The following TM9SF4 variants were observed in gnomAD, a reference collection of about 807,000 sequenced individuals.
TM9SF4 encodes dinucleotide oxidase disulfide thiol exchanger 3 superfamily member 4.
In TM9SF4, 26 loss-of-function variants were observed where a neutral mutation model predicts 90.4. That is an observed-to-expected ratio of 0.29 (90% CI 0.21 to 0.40). The LOEUF (loss-of-function observed/expected upper bound fraction) is 0.40. Among genes scored for constraint, TM9SF4 ranks in the 10% least tolerant of loss-of-function variants. TM9SF4 has a pLI of 1.00. For synonymous variants in TM9SF4, 293 were observed against 315.4 expected, an observed-to-expected ratio of 0.93 and a Z score of 0.75; for missense variants, 549 against 834.8, an observed-to-expected ratio of 0.66 and a Z score of 4.22.
intron 1 of TM9SF4, among the ~76,000 whole-genome samples, chr20:32,129,871 G>A (rs2046485534): frequency 6.6e-6 from 1 of 152,168 alleles, no homozygotes; most frequent in Non-Finnish European, 1.5e-5. Flanking sequence ...ATAGGCATGA[G>A]CTACTGCGCC....
At chr20:32,111,667 T>G (rs1315157498) in intron 1 of TM9SF4, among the ~76,000 whole-genome samples, 2 of 152,110 alleles carry the variant, frequency 1.3e-5, no homozygotes, top group African/African-American at 4.8e-5. Context: ...CACAACTACT[T>G]TGGATTGAGT....
intron 12 of TM9SF4, 90 bp downstream of exon 12, chr20:32,150,965 G>C: frequency 6.7e-7 from 1 of 1,498,140 alleles, no homozygotes; most frequent in Non-Finnish European, 9.1e-7. Flanking sequence ...TCCTGGTGGG[G>C]ATTTTTGGGC....
At chr20:32,154,975 A>C in intron 12 of TM9SF4, 128 bp from the exon 13 acceptor site, 4 of 722,124 alleles carry the variant, frequency 5.5e-6, no homozygotes, top group Non-Finnish European at 9.9e-6. Flanking sequence ...TACTTTCTGG[A>C]AGGAATGATG....
At chr20:32,110,093 C>G in intron 1 of TM9SF4, 2 of 1,183,416 alleles carry the variant, frequency 1.7e-6, no homozygotes, top group Non-Finnish European at 2.1e-6. Flanking sequence ...CTGAAGACCC[C>G]CTCCCGTTAT....
chr20:32,146,245 GGGAAACA>G (rs1288264525), intron 8 of TM9SF4, among the ~76,000 whole-genome samples: 1 of 152,212 alleles, frequency 6.6e-6, no homozygotes, highest in Non-Finnish European at 1.5e-5. Flanking sequence ...TGCCTAGAGA[GGGAAACA>G]GGAAAGTACA....
At chr20:32,148,888 T>C (rs1325526550) in intron 9 of TM9SF4, among the ~76,000 whole-genome samples, 1 of 152,088 alleles carries the variant, frequency 6.6e-6, no homozygotes, top group Non-Finnish European at 1.5e-5. Flanking sequence ...GCCAGGATGG[T>C]CTCGATCTCC....
At chr20:32,120,395 G>GTTTTTTTTTTTTTTTT (rs34639926) in intron 1 of TM9SF4, among the ~76,000 whole-genome samples, 1 of 116,224 alleles carries the variant, frequency 8.6e-6, no homozygotes, top group African/African-American at 3.4e-5. Context: ...TAAGTGGTGC[G>GTTTTTTTTTTTTTTTT]TTTTTTTTTT....
intron 1 of TM9SF4, among the ~76,000 whole-genome samples, chr20:32,128,790 C>CTG (rs55977888): frequency 0.016 from 2,325 of 145,350 alleles, 24 homozygotes; most frequent in African/African-American, 0.026. Flanking sequence ...GTATTCCATT[C>CTG]TGTGTGTGTG....
chr20:32,134,314 T>A (rs2046564266), intron 2 of TM9SF4, among the ~76,000 whole-genome samples: 1 of 152,174 alleles, frequency 6.6e-6, no homozygotes, highest in African/African-American at 2.4e-5. Context: ...CATCTCTCTG[T>A]AACGTGCATT....
intron 12 of TM9SF4, among the ~76,000 whole-genome samples, chr20:32,152,131 A>G (rs2046852031): frequency 1.3e-5 from 2 of 151,846 alleles, no homozygotes; most frequent in East Asian, 3.9e-4. Flanking sequence ...CGGCCTCCCA[A>G]AGTGCTGGGA....
intron 1 of TM9SF4, among the ~76,000 whole-genome samples, chr20:32,118,637 TTATTTA>T (rs1569043592): frequency 2.9e-5 from 4 of 138,076 alleles, no homozygotes; most frequent in African/African-American, 1.2e-4. Context: ...ATTTATTTAT[TTATTTA>T]TTTTTATTTT....
intron 1 of TM9SF4, chr20:32,110,167 C>T (rs1264465388): frequency 2.9e-6 from 2 of 698,596 alleles, no homozygotes; most frequent in African/African-American, 3.7e-5. Flanking sequence ...ACCATCATAA[C>T]CAGTCCGCAG....
At chr20:32,153,102 C>T (rs6087824) in intron 12 of TM9SF4, among the ~76,000 whole-genome samples, 1 of 152,174 alleles carries the variant, frequency 6.6e-6, no homozygotes. Context: ...CTGGAATGGC[C>T]TAGATCCCAG....
chr20:32,159,993 C>G lies in TM9SF4; in HGVS notation c.1571C>G (p.Ala524Gly). The G allele has an allele frequency of 6.2e-7, 1 of 1,614,244 alleles. No homozygotes were observed. The highest frequency in any genetic ancestry group is 8.5e-7 in the Non-Finnish European group (1 of 1,180,038). Reference sequence around the variant, plus strand: ...TGAAGCCCCACTGTGTGTCCACAGGCTATCTGGGAGAATCAGTTCTATTAC... The same window carrying G: ...TGAAGCCCCACTGTGTGTCCACAGGGTATCTGGGAGAATCAGTTCTATTAC... ...MFIELFFIFS[A>G]IWENQFYYLF... The change falls in exon 16 of 18, where the codon GCT becomes GGT. Residue 524 changes from alanine (A) to glycine (G), a missense_variant and splice_region_variant. Coordinates refer to ENST00000398022, the MANE Select transcript of TM9SF4 (RefSeq NM_014742.4).
chr20:32,132,680 T>G (rs2046537513), intron 1 of TM9SF4, among the ~76,000 whole-genome samples: 1 of 152,196 alleles, frequency 6.6e-6, no homozygotes, highest in Non-Finnish European at 1.5e-5. Context: ...TCCTGGAGCT[T>G]TATTTCCTGC....
intron 1 of TM9SF4, among the ~76,000 whole-genome samples, chr20:32,131,139 A>C (rs902619374): frequency 2.0e-5 from 3 of 152,180 alleles, no homozygotes; most frequent in African/African-American, 7.2e-5. Context: ...CTCCTGATTC[A>C]TCTGGCCTCC....
chr20:32,138,085 G>T (rs1450567784), intron 3 of TM9SF4, among the ~76,000 whole-genome samples: 1 of 152,174 alleles, frequency 6.6e-6, no homozygotes, highest in Non-Finnish European at 1.5e-5. Flanking sequence ...ATGGCCAATA[G>T]GTGGAGAAAT....
At chr20:32,129,864 G>A in intron 1 of TM9SF4, among the ~76,000 whole-genome samples, 1 of 152,076 alleles carries the variant, frequency 6.6e-6, no homozygotes, top group Non-Finnish European at 1.5e-5. Flanking sequence ...TAGGATTATA[G>A]GCATGAGCTA....
In TM9SF4 at chr20:32,165,518, CAAAAT is replaced by C; in HGVS notation, c.*82_*86del. The C allele has an allele frequency of 6.5e-7, 1 of 1,549,930 alleles. No individual in the cohort carries two copies. Among genetic ancestry groups the C allele is most frequent in the Non-Finnish European group, 8.9e-7 (1 of 1,129,892 alleles). On this transcript the variant is annotated 3_prime_UTR_variant, in exon 18 of 18. Transcript: ENST00000398022. Reference sequence around the variant, plus strand: ...CCCTGCGTGGGGGACTGCAGGCACGCAAAATAAAATAACTCCTGCTCGTTTGGAAT... The same window carrying C: ...CCCTGCGTGGGGGACTGCAGGCACGCAAAATAACTCCTGCTCGTTTGGAAT...
Sources: gnomAD v4.1 joint callset for allele counts (sites outside exome capture counted in the v4.1 genomes callset) on GRCh38, gnomAD v4.1.1 for gene constraint, MANE v1.5 for transcripts, NCBI Gene and HGNC (gene_info 2026-07-23, HGNC 2026-07-21) for gene names.